Variants in PCDH15 observed in about 807,000 individuals in gnomAD.
The protein encoded by PCDH15 is protocadherin-15.
In PCDH15, 129 loss-of-function variants were observed where a neutral mutation model predicts 178.5. The ratio of observed to expected loss-of-function variants is 0.72; its 90% CI spans 0.63 to 0.84. The LOEUF (loss-of-function observed/expected upper bound fraction) is 0.84, where lower values mean the gene tolerates loss of function less well. Among genes scored for constraint, PCDH15 ranks in the 40% least tolerant of loss-of-function variants. The pLI, the probability that PCDH15 is intolerant of heterozygous loss-of-function variation, is 0.00. For missense variants in PCDH15, 2,230 were observed against 2,099.9 expected (o/e 1.06, Z -1.21); for synonymous variants, 800 against 732.0 (o/e 1.09, Z -1.50).
At chr10:55,082,583 A>G (rs201083919) in intron 2 of PCDH15, among the ~76,000 whole-genome samples, 2 of 28,246 alleles carry the variant, frequency 7.1e-5, no homozygotes, top group Non-Finnish European at 1.1e-4. Flanking sequence ...AATTGAAATG[A>G]AAAAAAAAAA....
intron 2 of PCDH15, among the ~76,000 whole-genome samples, chr10:55,616,210 C>T (rs1405624113): frequency 2.0e-5 from 3 of 152,130 alleles, no homozygotes; most frequent in African/African-American, 7.2e-5. Context: ...AGAAAAATCA[C>T]TTTTAAATAA....
intron 18 of PCDH15, among the ~76,000 whole-genome samples, chr10:54,043,237 C>T (rs943593514): frequency 2.9e-4 from 44 of 152,064 alleles, no homozygotes; most frequent in African/African-American, 1.0e-3. Flanking sequence ...ATAAATGAAG[C>T]TCAGAACCAG....
chr10:54,733,990 C>A (rs1237495916), intron 1 of PCDH15, among the ~76,000 whole-genome samples: 3 of 145,754 alleles, frequency 2.1e-5, no homozygotes, highest in East Asian at 2.0e-4. Context: ...TAAAACTTTA[C>A]AAAAAAAAAC....
chr10:54,025,136 C>T (rs563237933), intron 18 of PCDH15, among the ~76,000 whole-genome samples: 42 of 152,128 alleles, frequency 2.8e-4, no homozygotes, highest in African/African-American at 9.4e-4. Context: ...GCTGTGTGTC[C>T]GTGTGTTTTA....
chr10:54,780,493 T>C (rs1437028611), intron 1 of PCDH15, among the ~76,000 whole-genome samples: 1 of 152,136 alleles, frequency 6.6e-6, no homozygotes, highest in Non-Finnish European at 1.5e-5. Flanking sequence ...GATTTTTTAA[T>C]GTACAATTCT....
chr10:55,572,330 A>G (rs1288670439), intron 2 of PCDH15, among the ~76,000 whole-genome samples: 2 of 151,738 alleles, frequency 1.3e-5, no homozygotes, highest in Non-Finnish European at 2.9e-5. Flanking sequence ...AAAAAGCTCC[A>G]ATACATTCTG....
intron 27 of PCDH15, among the ~76,000 whole-genome samples, chr10:53,865,641 T>C (rs1351652456): frequency 1.3e-5 from 2 of 152,214 alleles, no homozygotes; most frequent in East Asian, 1.9e-4. Context: ...TAGAGTGGCC[T>C]TCATTTACTC....
At chr10:54,295,250 G>A (rs1340987621) in intron 8 of PCDH15, among the ~76,000 whole-genome samples, 2 of 152,108 alleles carry the variant, frequency 1.3e-5, no homozygotes, top group Non-Finnish European at 2.9e-5. Context: ...ACACCAATCA[G>A]CATGCTGCAA....
chr10:54,074,073 G>A (rs2094296206), intron 17 of PCDH15, among the ~76,000 whole-genome samples: 2 of 152,212 alleles, frequency 1.3e-5, no homozygotes, highest in East Asian at 1.9e-4. Context: ...TAGAGTTGCA[G>A]AAGATGGGAA....
intron 2 of PCDH15, among the ~76,000 whole-genome samples, chr10:54,625,007 A>T (rs2093500345): frequency 6.6e-6 from 1 of 152,078 alleles, no homozygotes; most frequent in Admixed American, 6.5e-5. Flanking sequence ...ATTGTCCTAA[A>T]ATCATCCCCC....
At chr10:54,706,587 A>T (rs189354910) in intron 1 of PCDH15, among the ~76,000 whole-genome samples, 1 of 152,150 alleles carries the variant, frequency 6.6e-6, no homozygotes, top group Admixed American at 6.5e-5. Context: ...TAGGTATTTG[A>T]AGACTTAACC....
intron 2 of PCDH15, among the ~76,000 whole-genome samples, chr10:54,920,386 T>G (rs889334628): frequency 1.4e-4 from 20 of 145,966 alleles, no homozygotes; most frequent in African/African-American, 3.8e-4. Context: ...GGATAATGGC[T>G]TGAACCCGGG....
rs372349762 is a variant in PCDH15, at chr10:54,374,436, TTTTC to T, written c.318+4342_318+4345del. Among the ~76,000 whole-genome samples, 200 of 152,248 alleles carry T rather than the reference TTTTC, an allele frequency of 1.3e-3. 1 individual carries two copies. The highest frequency in any genetic ancestry group is 2.5e-3 in the African/African-American group (106 of 41,582). ...TTATAGGACTGTACCAGAGTCATAC[TTTTC>T]TTTCTGTTATTATTTTAATTATTGA... is the stretch of plus-strand genomic sequence containing the variant. On this transcript the variant is annotated intron_variant, in intron 4 of 37. Transcript: ENST00000644397.
intron 2 of PCDH15, among the ~76,000 whole-genome samples, chr10:54,947,881 C>T (rs866593133): frequency 3.3e-5 from 5 of 151,970 alleles, no homozygotes; most frequent in Middle Eastern, 6.8e-3. Flanking sequence ...ACCAAAAATT[C>T]TTCCTTAAGT....
At chr10:55,461,997 A>C (rs1839689826) in intron 2 of PCDH15, among the ~76,000 whole-genome samples, 1 of 152,076 alleles carries the variant, frequency 6.6e-6, no homozygotes, top group Non-Finnish European at 1.5e-5. Flanking sequence ...GGTCAAGACC[A>C]CCTTCATTAT....
chr10:54,213,878 A>G, intron 10 of PCDH15, 58 bp downstream of exon 10: 1 of 1,121,372 alleles, frequency 8.9e-7, no homozygotes, highest in Non-Finnish European at 1.4e-6. Context: ...TAGCGTCTAC[A>G]GATTTATCTG....
intron 1 of PCDH15, among the ~76,000 whole-genome samples, chr10:54,769,849 T>TA: frequency 6.6e-6 from 1 of 152,256 alleles, no homozygotes; most frequent in Non-Finnish European, 1.5e-5. Context: ...CTTCTGGTGA[T>TA]ACGTTTCTCT....
rs1312816236 is a variant in PCDH15, at chr10:54,535,122, T to C, written c.92-7245A>G. Among the ~76,000 whole-genome samples, 6 of 152,204 alleles carry C rather than the reference T, an allele frequency of 3.9e-5. No homozygotes were observed. The South Asian group carries it at 8.3e-4, about 21-fold the overall frequency. On this transcript the variant is annotated intron_variant, in intron 2 of 37. Transcript: ENST00000644397. ...TATTTGCAGATTTCAGATTTCACCA[T>C]GAAGGGAGCAAATGATATTTTATGT...
intron 2 of PCDH15, among the ~76,000 whole-genome samples, chr10:54,622,598 TAATATATATA>T (rs1565775974): frequency 0.015 from 676 of 46,524 alleles, 28 homozygotes; most frequent in African/African-American, 0.05. Flanking sequence ...ATATAATATA[TAATATATATA>T]ATTATATATA....
Sources: gnomAD v4.1 joint callset for allele counts (sites outside exome capture counted in the v4.1 genomes callset) on GRCh38, gnomAD v4.1.1 for gene constraint, MANE v1.5 for transcripts, NCBI Gene and HGNC (gene_info 2026-07-23, HGNC 2026-07-21) for gene names.